Variants in B3GALNT2 observed in about 807,000 individuals in gnomAD.
The protein encoded by B3GALNT2 is beta-1,3-N-acetylgalactosaminyltransferase 2, also known as UDP-GalNAc:beta-1,3-N-acetylgalactosaminyltransferase 2.
Under a neutral mutation model 61.1 loss-of-function variants are expected in B3GALNT2, and 53 were observed. That is an observed-to-expected ratio of 0.87 (90% CI 0.70 to 1.09). The LOEUF (loss-of-function observed/expected upper bound fraction) is 1.09. Ranked by LOEUF, B3GALNT2 falls within the 50% of genes least tolerant of loss-of-function variation. The probability of loss-of-function intolerance (pLI) is 0.00; values close to 1 mark genes in which losing one functional copy is unlikely to be tolerated. For synonymous variants in B3GALNT2, 223 were observed against 237.4 expected, an observed-to-expected ratio of 0.94 and a Z score of 0.56; for missense variants, 544 against 623.0, an observed-to-expected ratio of 0.87 and a Z score of 1.35.
intron 5 of B3GALNT2, among the ~76,000 whole-genome samples, chr1:235,478,448 AAAAC>A (rs1684398417): frequency 6.6e-6 from 1 of 152,242 alleles, no homozygotes; most frequent in South Asian, 2.1e-4. Context: ...AGGATGTAGG[AAAAC>A]AGGCACTCTC....
chr1:235,496,568 G>A (rs1305664213), intron 1 of B3GALNT2, among the ~76,000 whole-genome samples: 4 of 141,610 alleles, frequency 2.8e-5, no homozygotes, highest in East Asian at 2.0e-4. Context: ...TTTTTTTGAC[G>A]GAGTCCCACT....
chr1:235,489,820 T>A (rs1684979829), intron 2 of B3GALNT2, among the ~76,000 whole-genome samples: 1 of 152,206 alleles, frequency 6.6e-6, no homozygotes, highest in Admixed American at 6.5e-5. Flanking sequence ...CACTTTACAC[T>A]GAGGTCCTAC....
chr1:235,494,492 C>T (rs1435642640), intron 2 of B3GALNT2, among the ~76,000 whole-genome samples, 189 bp downstream of exon 2: 3 of 151,688 alleles, frequency 2.0e-5, no homozygotes, highest in Admixed American at 6.6e-5. Flanking sequence ...GACTCATTCC[C>T]ATCATGCAGG....
At chr1:235,491,661 G>T (rs149177668) in intron 2 of B3GALNT2, among the ~76,000 whole-genome samples, 2 of 152,110 alleles carry the variant, frequency 1.3e-5, no homozygotes, top group Admixed American at 6.5e-5. Context: ...TACATTCAAT[G>T]ACCTTATTCT....
At chr1:235,500,221 A>AGT (rs1206604205) in intron 1 of B3GALNT2, among the ~76,000 whole-genome samples, 1 of 152,184 alleles carries the variant, frequency 6.6e-6, no homozygotes. Flanking sequence ...GGCCTGGCGC[A>AGT]GTGGCTCATG....
chr1:235,446,469 G>A (rs1315487269), downstream of B3GALNT2, among the ~76,000 whole-genome samples: 1 of 151,856 alleles, frequency 6.6e-6, no homozygotes, highest in Admixed American at 6.6e-5. Flanking sequence ...GAGCCACTGC[G>A]CCTGGCTTAA....
intron 6 of B3GALNT2, among the ~76,000 whole-genome samples, chr1:235,466,606 C>T (rs956866169): frequency 6.6e-6 from 1 of 152,196 alleles, no homozygotes; most frequent in Non-Finnish European, 1.5e-5. Context: ...CCTCCCGCCT[C>T]GGTCTCCCAA....
rs1683063899 is a variant in B3GALNT2, at chr1:235,454,283, C to G, written c.1184G>C (p.Gly395Ala). 6.2e-7 allele frequency: 1 copy of G among 1,613,400 alleles called. No individual in the cohort carries two copies. Among genetic ancestry groups the G allele is most frequent in the East Asian group, 2.2e-5 (1 of 44,856 alleles). ...CGGGTACTCCAACTCCTGCCACTTTCCGGTTCGGTCAACTGCCCAATTCAG... is the reference window on the plus strand; with the variant it reads ...CGGGTACTCCAACTCCTGCCACTTTGCGGTTCGGTCAACTGCCCAATTCAG... ...FRLNWAVDRTGKWQELEYPSP... is the reference protein window; with the variant it reads ...FRLNWAVDRTAKWQELEYPSP... Residue 395 changes from glycine (G) to alanine (A), a missense_variant, in exon 10 of 12, where the codon GGA becomes GCA. Transcript: ENST00000366600.
chr1:235,500,581 T>C (rs1375804261), intron 1 of B3GALNT2, among the ~76,000 whole-genome samples: 1 of 152,212 alleles, frequency 6.6e-6, no homozygotes, highest in Non-Finnish European at 1.5e-5. Context: ...CACTCTGATA[T>C]GCATGCTCTT....
chr1:235,465,451 T>G, intron 7 of B3GALNT2, 185 bp downstream of exon 7: 1 of 919,768 alleles, frequency 1.1e-6, no homozygotes, highest in African/African-American at 1.7e-5. Flanking sequence ...GGTTTCCTTT[T>G]GGGAGGTGGA....
chr1:235,492,746 GGCT>G (rs1378273257), intron 2 of B3GALNT2, among the ~76,000 whole-genome samples: 2 of 152,270 alleles, frequency 1.3e-5, no homozygotes, highest in African/African-American at 4.8e-5. Flanking sequence ...GATAGGGGTG[GGCT>G]GCTATTTACT....
downstream of B3GALNT2, among the ~76,000 whole-genome samples, chr1:235,442,623 G>A (rs1266699578): frequency 2.0e-5 from 3 of 152,170 alleles, no homozygotes. Context: ...ACCTAGCCAA[G>A]CTGTAAGGAA....
intron 8 of B3GALNT2, among the ~76,000 whole-genome samples, 179 bp downstream of exon 8, chr1:235,458,423 GC>G (rs1683265790): frequency 1.3e-5 from 2 of 151,834 alleles, no homozygotes; most frequent in South Asian, 4.2e-4. Flanking sequence ...AGTGTCATGT[GC>G]CTGTAATCTT....
intron 1 of B3GALNT2, among the ~76,000 whole-genome samples, chr1:235,499,968 G>C (rs570515679): frequency 9.2e-5 from 14 of 152,262 alleles, no homozygotes; most frequent in African/African-American, 3.4e-4. Flanking sequence ...GCTGGCTTTG[G>C]GGAAGAGGGA....
intron 11 of B3GALNT2, chr1:235,451,873 T>C (rs1185879059): frequency 6.6e-6 from 1 of 152,234 alleles, no homozygotes; most frequent in Non-Finnish European, 1.5e-5. Flanking sequence ...TCCATTTTGG[T>C]CTCTGCAGAT....
At chr1:235,502,046 C>A (rs1685604015) in intron 1 of B3GALNT2, among the ~76,000 whole-genome samples, 1 of 152,168 alleles carries the variant, frequency 6.6e-6, no homozygotes, top group African/African-American at 2.4e-5. Flanking sequence ...GACTTTCGCT[C>A]TTGTCACCCA....
chr1:235,483,082 A>C (rs1684632232), intron 4 of B3GALNT2, among the ~76,000 whole-genome samples: 2 of 152,188 alleles, frequency 1.3e-5, no homozygotes, highest in African/African-American at 2.4e-5. Flanking sequence ...AACTAAATGG[A>C]AACTGAAGCA....
At chr1:235,487,698 T>C (rs1684867129) in intron 3 of B3GALNT2, among the ~76,000 whole-genome samples, 3 of 152,344 alleles carry the variant, frequency 2.0e-5, no homozygotes, top group African/African-American at 2.4e-5. Flanking sequence ...TGGGAATTGC[T>C]AATAAACACA....
chr1:235,474,981 ATATATATTTTTTTT>A (rs1465849654), intron 5 of B3GALNT2, among the ~76,000 whole-genome samples: 2 of 37,466 alleles, frequency 5.3e-5, no homozygotes, highest in African/African-American at 3.1e-4. Flanking sequence ...ATATATATAT[ATATATATTTTTTTT>A]TTTTTTTTTT....
Sources: allele counts gnomAD v4.1 joint callset (sites outside exome capture counted in the v4.1 genomes callset), GRCh38; gene constraint gnomAD v4.1.1; transcripts MANE v1.5; gene names NCBI Gene and HGNC (gene_info 2026-07-23, HGNC 2026-07-21).